The following PIK3C3 variants were observed in gnomAD, a reference collection of about 807,000 sequenced individuals.
PIK3C3 encodes the protein PI3-kinase type 3.
In PIK3C3, 95 loss-of-function variants were observed where a neutral mutation model predicts 126.1. The ratio of observed to expected loss-of-function variants is 0.75; its 90% confidence interval spans 0.64 to 0.89. The LOEUF is 0.89. Among genes scored for constraint, PIK3C3 ranks in the 40% least tolerant of loss-of-function variants. The pLI is 0.00. For missense variants in PIK3C3, 829 were observed against 1,063.2 expected, an observed-to-expected ratio of 0.78 and a Z score of 3.06; for synonymous variants, 374 against 360.0, an observed-to-expected ratio of 1.04 and a Z score of -0.44.
chr18:41,991,910 A>G (rs898687339), intron 6 of PIK3C3, among the ~76,000 whole-genome samples: 3 of 152,188 alleles, frequency 2.0e-5, no homozygotes, highest in African/African-American at 7.2e-5. Context: ...ATTTTAATAA[A>G]ATCATATTTT....
chr18:42,033,715 G>T (rs1193435057), intron 15 of PIK3C3, 111 bp from the exon 16 acceptor site: 2 of 700,452 alleles, frequency 2.9e-6, no homozygotes, highest in South Asian at 3.9e-5. Context: ...TATTATTTTG[G>T]TGCTTTGCAA....
At chr18:42,060,618 A>G (rs1985273023) in intron 22 of PIK3C3, among the ~76,000 whole-genome samples, 2 of 152,072 alleles carry the variant, frequency 1.3e-5, no homozygotes, top group Non-Finnish European at 1.5e-5. Flanking sequence ...TAAAAAAGAA[A>G]ATACAAAAAT....
chr18:42,008,369 A>G (rs1410767873), intron 10 of PIK3C3, among the ~76,000 whole-genome samples: 1 of 152,214 alleles, frequency 6.6e-6, no homozygotes, highest in Non-Finnish European at 1.5e-5. Flanking sequence ...AATATGAGCA[A>G]GAGCAAGGGA....
intron 5 of PIK3C3, among the ~76,000 whole-genome samples, chr18:41,989,134 G>C (rs1159792958): frequency 6.6e-6 from 1 of 151,916 alleles, no homozygotes; most frequent in African/African-American, 2.4e-5. Context: ...GTGTCACCCA[G>C]GCTGGAGTAC....
intron 24 of PIK3C3, among the ~76,000 whole-genome samples, chr18:42,079,998 A>AGAGT (rs371056566): frequency 0.014 from 1,935 of 137,400 alleles, 23 homozygotes; most frequent in African/African-American, 0.016. Flanking sequence ...TAAGAGAGAG[A>AGAGT]GTGTGTGTGT....
intron 21 of PIK3C3, among the ~76,000 whole-genome samples, chr18:42,056,315 G>A (rs761907501): frequency 1.1e-4 from 17 of 152,046 alleles, no homozygotes; most frequent in Non-Finnish European, 2.4e-4. Flanking sequence ...CCTGTTGTTT[G>A]AGTTTTCTGA....
In PIK3C3 at chr18:42,086,671, A is replaced by T. The variant is rs1986406048; in HGVS notation, c.*5534A>T. 1 of 151,952 alleles carries T rather than the reference A, an allele frequency of 6.6e-6. No individual in the cohort carries two copies. Among genetic ancestry groups the T allele is most frequent in the African/African-American group, 2.4e-5 (1 of 41,438 alleles). 9.4% of individuals were successfully genotyped at this position (151,952 alleles called of 1,614,324 possible). ...GAGACACTCCCACCAGCACCATGAC[A>T]GTTTACAAATGCCATAACAACATCA... On this transcript the variant is annotated 3_prime_UTR_variant, in exon 25 of 25. Transcript: ENST00000262039.
chr18:42,037,040 CAA>C (rs1369584523), intron 16 of PIK3C3, among the ~76,000 whole-genome samples: 1 of 152,172 alleles, frequency 6.6e-6, no homozygotes, highest in Non-Finnish European at 1.5e-5. Context: ...AATTGAATTT[CAA>C]GTTTAAACTT....
In PIK3C3 at chr18:41,992,291, A is replaced by T. The variant is rs1056028267; in HGVS notation, c.715-979A>T. Among the ~76,000 whole-genome samples, 8 of 152,274 alleles carry T rather than the reference A, an allele frequency of 5.3e-5. No homozygotes were observed. In the South Asian group the frequency reaches 1.4e-3, roughly 28 times the overall value. On this transcript the variant is annotated intron_variant, in intron 6 of 24. Transcript: ENST00000262039. The stretch of plus-strand genomic sequence containing the variant: ...ATAGCCTTAGTGAAGATTACTTGTC[A>T]CAGCTAGGCTGATAAATGTGTTTTC...
intron 7 of PIK3C3, among the ~76,000 whole-genome samples, chr18:41,994,779 G>A (rs1981948297): frequency 6.6e-6 from 1 of 152,064 alleles, no homozygotes; most frequent in South Asian, 2.1e-4. Flanking sequence ...GCTCATGCTT[G>A]TAATCTTAAC....
chr18:42,042,926 A>G (rs1415083631), intron 19 of PIK3C3, among the ~76,000 whole-genome samples: 1 of 152,144 alleles, frequency 6.6e-6, no homozygotes, highest in Non-Finnish European at 1.5e-5. Flanking sequence ...ATATATGTAT[A>G]GGCCATTTGT....
intron 10 of PIK3C3, among the ~76,000 whole-genome samples, chr18:42,011,258 A>G (rs1324250415): frequency 6.6e-6 from 1 of 152,194 alleles, no homozygotes; most frequent in Non-Finnish European, 1.5e-5. Context: ...TATGGTTGTG[A>G]GAGTCTTAGA....
chr18:41,965,266 A>C (rs1028358332), intron 3 of PIK3C3, among the ~76,000 whole-genome samples: 1 of 152,224 alleles, frequency 6.6e-6, no homozygotes, highest in African/African-American at 2.4e-5. Context: ...AGGTTCCCTC[A>C]TAAAAACACC....
chr18:42,021,573 C>T (rs1231972744), intron 13 of PIK3C3, among the ~76,000 whole-genome samples: 2 of 152,182 alleles, frequency 1.3e-5, no homozygotes, highest in Non-Finnish European at 2.9e-5. Flanking sequence ...ATCCTTAAAA[C>T]TACTTATATC....
At position 42,080,996 on chromosome 18, in the gene PIK3C3, C is replaced by T. The variant is rs1470553280; in HGVS notation, c.2650-127C>T. 1.2e-5 allele frequency: 7 copies of T among 590,156 alleles called. No homozygotes were observed. The Admixed American group carries it at 2.1e-4, about 18-fold the overall frequency. 36.6% of individuals were successfully genotyped at this position (590,156 alleles called of 1,614,324 possible). A position where few individuals can be genotyped will look rare whatever the true frequency, so the allele number is the denominator to read the frequency against. On this transcript the variant is annotated intron_variant, in intron 24 of 24. Coordinates refer to ENST00000262039, the MANE Select transcript of PIK3C3 (RefSeq NM_002647.4). The stretch of plus-strand genomic sequence containing the variant: ...TAGTTAATTGCAATCCTCTTGGTAG[C>T]ATTTAGCAAACTAATTAATGCACTT...
chr18:42,067,605 C>A, intron 24 of PIK3C3, 92 bp downstream of exon 24: 1 of 1,374,758 alleles, frequency 7.3e-7, no homozygotes, highest in Non-Finnish European at 1.0e-6. Context: ...TGCCAGTTGA[C>A]ATCTTTTCTG....
chr18:42,061,245 ATTATTG>A (rs1168587012), intron 22 of PIK3C3, among the ~76,000 whole-genome samples: 1 of 151,984 alleles, frequency 6.6e-6, no homozygotes, highest in African/African-American at 2.4e-5. Flanking sequence ...TTCCCACCCT[ATTATTG>A]TTATTATTAT....
At chr18:42,001,490 T>C (rs1982287878) in intron 9 of PIK3C3, among the ~76,000 whole-genome samples, 1 of 152,192 alleles carries the variant, frequency 6.6e-6, no homozygotes, top group Non-Finnish European at 1.5e-5. Context: ...CAGTAAAGCA[T>C]CTTTAAAAGA....
At chr18:42,028,777 A>C (rs1022723083) in intron 14 of PIK3C3, among the ~76,000 whole-genome samples, 3 of 152,236 alleles carry the variant, frequency 2.0e-5, no homozygotes, top group South Asian at 2.1e-4. Context: ...GGGAAGATTA[A>C]ATTAGAAATG....
Sources: gnomAD v4.1 joint callset for allele counts (sites outside exome capture counted in the v4.1 genomes callset) on GRCh38, gnomAD v4.1.1 for gene constraint, MANE v1.5 for transcripts, NCBI Gene and HGNC (gene_info 2026-07-23, HGNC 2026-07-21) for gene names.